The following SANBR variants were observed in gnomAD, a reference collection of about 807,000 sequenced individuals.
The protein encoded by SANBR is SANT and BTB domain regulator of class switch recombination.
In SANBR, 77 loss-of-function variants were observed where a neutral mutation model predicts 101.8. That is an observed-to-expected ratio of 0.76 (90% confidence interval 0.63 to 0.91). The LOEUF (loss-of-function observed/expected upper bound fraction) is 0.91. Among genes scored for constraint, SANBR ranks in the 40% least tolerant of loss-of-function variants. The pLI, the probability that SANBR is intolerant of heterozygous loss-of-function variation, is 0.00. For missense variants in SANBR, 875 were observed against 853.0 expected (o/e 1.03, Z -0.32); for synonymous variants, 279 against 274.7 (o/e 1.02, Z -0.15).
chr2:61,100,576 GAA>G (rs1683235457), intron 12 of SANBR, among the ~76,000 whole-genome samples: 2 of 152,206 alleles, frequency 1.3e-5, no homozygotes, highest in Non-Finnish European at 2.9e-5. Flanking sequence ...TAACAGGAGA[GAA>G]GAGTAGAATG....
chr2:61,077,686 A>G (rs1266739913), intron 6 of SANBR, among the ~76,000 whole-genome samples: 3 of 152,230 alleles, frequency 2.0e-5, no homozygotes, highest in Non-Finnish European at 2.9e-5. Context: ...ACCATTGAAT[A>G]TACATATCTT....
At chr2:61,074,683 T>G (rs989974133) in intron 5 of SANBR, among the ~76,000 whole-genome samples, 1 of 152,132 alleles carries the variant, frequency 6.6e-6, no homozygotes, top group East Asian at 1.9e-4. Context: ...GGATTACAGG[T>G]GTGATCCACC....
intron 5 of SANBR, among the ~76,000 whole-genome samples, chr2:61,076,626 TAAAAA>T (rs1236468990): frequency 4.2e-5 from 5 of 119,028 alleles, no homozygotes; most frequent in Non-Finnish European, 5.3e-5. Flanking sequence ...AGACTCCGTC[TAAAAA>T]AAAAAAAAAA....
intron 2 of SANBR, among the ~76,000 whole-genome samples, chr2:61,069,427 C>G (rs1681345031): frequency 6.6e-6 from 1 of 152,158 alleles, no homozygotes; most frequent in Non-Finnish European, 1.5e-5. Flanking sequence ...AAACTCAAAT[C>G]AGAGATTCAG....
chr2:61,110,017 C>A (rs114081032), intron 16 of SANBR, among the ~76,000 whole-genome samples: 1,618 of 151,902 alleles, frequency 0.011, 23 homozygotes, highest in African/African-American at 0.037. Flanking sequence ...TCATTAGTTC[C>A]GAGAAACAGC....
chr2:61,094,444 A>C (rs545419796), intron 11 of SANBR, among the ~76,000 whole-genome samples: 1 of 152,234 alleles, frequency 6.6e-6, no homozygotes, highest in East Asian at 1.9e-4. Context: ...ATGTTGTTTC[A>C]TAAATTAGTT....
chr2:61,105,869 G>T (rs1264954454), intron 13 of SANBR, among the ~76,000 whole-genome samples: 1 of 150,892 alleles, frequency 6.6e-6, no homozygotes, highest in Non-Finnish European at 1.5e-5. Flanking sequence ...ACAGGGTTTC[G>T]CCATGTTGGC....
intron 16 of SANBR, 174 bp from the exon 17 acceptor site, chr2:61,115,805 C>A (rs1684049606): frequency 6.5e-6 from 3 of 464,748 alleles, no homozygotes; most frequent in Admixed American, 4.0e-5. Flanking sequence ...GCTTATGAAC[C>A]CCTGTAAAGC....
chr2:61,093,232 A>G (rs1431053069), intron 11 of SANBR: 2 of 152,248 alleles, frequency 1.3e-5, no homozygotes, highest in African/African-American at 4.8e-5. Context: ...TTCTCTTGAC[A>G]TTGTTTCTTC....
chr2:61,082,158 C>T (rs1021638464), intron 7 of SANBR, among the ~76,000 whole-genome samples: 3 of 152,118 alleles, frequency 2.0e-5, no homozygotes, highest in African/African-American at 7.2e-5. Context: ...AGGTGTGAGC[C>T]ACCTATATTC....
At position 61,109,180 on chromosome 2, in the gene SANBR, A is replaced by AT. The variant is rs762670053; in HGVS notation, c.1645-8dup. ...AATCATAATATTACATTTATAATAG[A>AT]TTTTTTTTTAACTTAGAAACAACAG... On this transcript the variant is annotated splice_polypyrimidine_tract_variant and intron_variant, in intron 15 of 21. Transcript: ENST00000402291. The AT allele has an allele frequency of 2.5e-4, 313 of 1,231,104 alleles. No individual in the cohort carries two copies. The highest frequency in any genetic ancestry group is 4.1e-4 in the South Asian group (24 of 58,016). 76.3% of individuals were successfully genotyped at this position (1,231,104 alleles called of 1,614,324 possible).
At chr2:61,109,467 A>G (rs1192203760) in intron 16 of SANBR, among the ~76,000 whole-genome samples, 171 bp downstream of exon 16, 1 of 152,084 alleles carries the variant, frequency 6.6e-6, no homozygotes, top group Non-Finnish European at 1.5e-5. Flanking sequence ...ATGAACACAA[A>G]ATACTCAAAG....
chr2:61,120,277 C>T (rs950853235), intron 20 of SANBR, among the ~76,000 whole-genome samples: 17 of 152,152 alleles, frequency 1.1e-4, no homozygotes, highest in African/African-American at 3.4e-4. Flanking sequence ...CCAAGGCGGG[C>T]GGATCACAAA....
downstream of SANBR, among the ~76,000 whole-genome samples, chr2:61,128,966 C>T (rs559448605): frequency 2.0e-5 from 3 of 151,892 alleles, no homozygotes; most frequent in East Asian, 3.9e-4. Flanking sequence ...TGTTCCAAAA[C>T]GAAGGAGGAG....
intron 16 of SANBR, among the ~76,000 whole-genome samples, chr2:61,114,651 G>T (rs116795393): frequency 6.6e-6 from 1 of 152,146 alleles, no homozygotes; most frequent in African/African-American, 2.4e-5. Context: ...ACATGCATGT[G>T]TATATACACA....
At chr2:61,100,949 A>AT (rs1683252986) in intron 12 of SANBR, among the ~76,000 whole-genome samples, 1 of 152,090 alleles carries the variant, frequency 6.6e-6, no homozygotes, top group South Asian at 2.1e-4. Context: ...TAGAGTTAGG[A>AT]TTTTGCCAGA....
intron 8 of SANBR, among the ~76,000 whole-genome samples, chr2:61,086,513 GAGA>G (rs1194782767): frequency 2.6e-5 from 4 of 152,068 alleles, no homozygotes; most frequent in Non-Finnish European, 4.4e-5. Context: ...TTAAGAACCT[GAGA>G]AGGAGGAGCC....
At position 61,073,541 on chromosome 2, in the gene SANBR, G is replaced by A. The variant is rs1455801641; in HGVS notation, c.421G>A (p.Glu141Lys). 1.3e-6 allele frequency: 2 copies of A among 1,563,026 alleles called. No individual in the cohort carries two copies. Among genetic ancestry groups the A allele is most frequent in the African/African-American group, 1.4e-5 (1 of 73,214 alleles). ...TCATAATGGTGGAGAAATGACTGAA[G>A]AATCTGAAGGGTAGGCGGCTGGTTG... ...TTHNGGEMTE[E>K]SEGPNMVIHV... Residue 141 changes from glutamate to lysine, a missense_variant, in exon 5 of 22, where the codon GAA becomes AAA. Transcript: ENST00000402291.
chr2:61,120,512 T>C (rs1684284786), intron 20 of SANBR, among the ~76,000 whole-genome samples: 1 of 151,882 alleles, frequency 6.6e-6, no homozygotes, highest in Non-Finnish European at 1.5e-5. Context: ...AAAAAGAACA[T>C]TGAGCCCAGG....
Sources: allele counts gnomAD v4.1 joint callset (sites outside exome capture counted in the v4.1 genomes callset), GRCh38; gene constraint gnomAD v4.1.1; transcripts MANE v1.5; gene names NCBI Gene and HGNC (gene_info 2026-07-23, HGNC 2026-07-21).